RBFOX1: variants seen among roughly 807,000 people sequenced by gnomAD.
The protein encoded by RBFOX1 is RNA binding fox-1 homolog 1.
In RBFOX1, 8 loss-of-function variants were observed where a neutral mutation model predicts 57.7. The ratio of observed to expected loss-of-function variants is 0.14; its 90% CI spans 0.08 to 0.25. The LOEUF is 0.25. Ranked by LOEUF, RBFOX1 falls within the 10% of genes least tolerant of loss-of-function variation. The pLI is 1.00. For missense variants in RBFOX1, 611 were observed against 548.5 expected (o/e 1.11, Z -1.14); for synonymous variants, 326 against 222.4 (o/e 1.47, Z -4.15).
chr16:7,365,488 T>A (rs548626071), intron 4 of RBFOX1, among the ~76,000 whole-genome samples: 4 of 152,242 alleles, frequency 2.6e-5, no homozygotes, highest in African/African-American at 9.6e-5. Flanking sequence ...AGTGATTTTT[T>A]TCCCCCCCAC....
At chr16:7,135,369 C>G (rs1364035513) in intron 4 of RBFOX1, among the ~76,000 whole-genome samples, 9 of 152,202 alleles carry the variant, frequency 5.9e-5, no homozygotes, top group Admixed American at 5.9e-4. Context: ...AGACTAGGCA[C>G]AGCAGAACAA....
intron 3 of RBFOX1, among the ~76,000 whole-genome samples, chr16:6,846,743 C>T (rs964857495): frequency 7.2e-5 from 11 of 152,124 alleles, no homozygotes; most frequent in Non-Finnish European, 1.6e-4. Flanking sequence ...GATCTGCTAA[C>T]AAAATTAGGT....
intron 4 of RBFOX1, among the ~76,000 whole-genome samples, chr16:7,168,503 A>T (rs1261874714): frequency 2.0e-5 from 3 of 152,178 alleles, no homozygotes; most frequent in African/African-American, 7.2e-5. Flanking sequence ...TATAAGCATC[A>T]TTTGGCTCAT....
intron 4 of RBFOX1, among the ~76,000 whole-genome samples, chr16:5,948,158 A>G (rs187031627): frequency 6.6e-6 from 1 of 152,168 alleles, no homozygotes; most frequent in Non-Finnish European, 1.5e-5. Flanking sequence ...CTAATGCTAT[A>G]TATAGTAGCC....
At chr16:7,271,743 A>G (rs1238700373) in intron 4 of RBFOX1, among the ~76,000 whole-genome samples, 1 of 152,088 alleles carries the variant, frequency 6.6e-6, no homozygotes, top group Admixed American at 6.6e-5. Context: ...TCCTGCTTCT[A>G]GAAAGCCACA....
intron 1 of RBFOX1, among the ~76,000 whole-genome samples, chr16:5,382,437 T>C (rs1388436320): frequency 3.9e-5 from 6 of 152,124 alleles, no homozygotes; most frequent in South Asian, 2.1e-4. Context: ...TTTTTAAGTA[T>C]GCTTTTATTT....
At chr16:6,540,944 CAG>C (rs1318677527) in intron 2 of RBFOX1, among the ~76,000 whole-genome samples, 1 of 152,122 alleles carries the variant, frequency 6.6e-6, no homozygotes, top group African/African-American at 2.4e-5. Flanking sequence ...TATCTGCTAT[CAG>C]AGGAAATTCC....
intron 1 of RBFOX1, among the ~76,000 whole-genome samples, chr16:5,389,044 A>T (rs2066331802): frequency 6.6e-6 from 1 of 151,356 alleles, no homozygotes; most frequent in Non-Finnish European, 1.5e-5. Flanking sequence ...ACAAAAAATT[A>T]GCCTGGCGTG....
chr16:5,548,817 G>A (rs11076928), intron 2 of RBFOX1, among the ~76,000 whole-genome samples: 64,182 of 152,008 alleles, frequency 0.42, 14,729 homozygotes, highest in East Asian at 0.96. Context: ...TTCTCTCAGT[G>A]AAAACACCTG....
At chr16:7,120,371 G>T (rs751975782) in intron 4 of RBFOX1, among the ~76,000 whole-genome samples, 14 of 151,840 alleles carry the variant, frequency 9.2e-5, no homozygotes, top group Non-Finnish European at 1.6e-4. Context: ...AAATCAAAAA[G>T]CAATCAAACC....
chr16:7,404,261 C>T (rs2148889552), intron 4 of RBFOX1, among the ~76,000 whole-genome samples: 1 of 152,206 alleles, frequency 6.6e-6, no homozygotes. Flanking sequence ...CCATGTTAGT[C>T]AGGCTGGTCT....
chr16:6,667,149 C>T (rs979575717), intron 3 of RBFOX1, among the ~76,000 whole-genome samples: 19 of 152,104 alleles, frequency 1.2e-4, no homozygotes, highest in Non-Finnish European at 7.4e-5. Flanking sequence ...AGACGCAGAG[C>T]TTCTAAAATG....
At chr16:5,239,934 C>G in exon 1 of RBFOX1, 1 of 1,523,984 alleles carries the variant, frequency 6.6e-7, no homozygotes, top group South Asian at 1.2e-5. Flanking sequence ...AGCCCCGAGG[C>G]AGGGATGGCC....
intron 10 of RBFOX1, among the ~76,000 whole-genome samples, chr16:7,612,648 G>T (rs187945302): frequency 6.6e-6 from 1 of 151,892 alleles, no homozygotes; most frequent in African/African-American, 2.4e-5. Flanking sequence ...GTATCTTCTA[G>T]AGATAATCAC....
intron 4 of RBFOX1, among the ~76,000 whole-genome samples, chr16:6,005,893 G>T (rs1044032129): frequency 1.3e-5 from 2 of 152,200 alleles, no homozygotes; most frequent in Non-Finnish European, 2.9e-5. Flanking sequence ...AGGCAAATGG[G>T]TGCAGTGGGA....
chr16:5,963,841 T>A (rs1276502954), intron 4 of RBFOX1, among the ~76,000 whole-genome samples: 1 of 152,176 alleles, frequency 6.6e-6, no homozygotes, highest in African/African-American at 2.4e-5. Flanking sequence ...TTGACATTGG[T>A]CTTAGCAGTT....
At chr16:6,893,752 A>G (rs985498588) in intron 3 of RBFOX1, among the ~76,000 whole-genome samples, 3 of 152,204 alleles carry the variant, frequency 2.0e-5, no homozygotes, top group Admixed American at 6.5e-5. Flanking sequence ...TATCATGAAG[A>G]CCAAAACACA....
chr16:7,143,885 A>G (rs1039156926), intron 4 of RBFOX1, among the ~76,000 whole-genome samples: 9 of 152,212 alleles, frequency 5.9e-5, no homozygotes, highest in African/African-American at 1.2e-4. Context: ...AGCTACTACT[A>G]TATAGTCCCT....
At chr16:7,176,224 A>C in intron 4 of RBFOX1, among the ~76,000 whole-genome samples, 1 of 149,838 alleles carries the variant, frequency 6.7e-6, no homozygotes, top group East Asian at 2.0e-4. Flanking sequence ...ATTAATAATA[A>C]TTCTTGGTTC....
Sources: allele counts gnomAD v4.1 joint callset (sites outside exome capture counted in the v4.1 genomes callset), GRCh38; gene constraint gnomAD v4.1.1; transcripts MANE v1.5; gene names NCBI Gene and HGNC (gene_info 2026-07-23, HGNC 2026-07-21).